Variants in ABI2 observed in about 807,000 individuals in gnomAD.
The protein encoded by ABI2 is abelson interactor 2.
ABI2 carries 25 observed loss-of-function variants against 59.2 expected under a neutral mutation model. That is an observed-to-expected ratio of 0.42 (90% CI 0.31 to 0.59). ABI2 has a LOEUF of 0.59. Ranked by LOEUF, ABI2 falls within the 20% of genes least tolerant of loss-of-function variation. The probability of loss-of-function intolerance (pLI) is 0.14; values close to 1 mark genes in which losing one functional copy is unlikely to be tolerated. For synonymous variants in ABI2, 213 were observed against 235.5 expected, an observed-to-expected ratio of 0.90 and a Z score of 0.87; for missense variants, 545 against 681.8, an observed-to-expected ratio of 0.80 and a Z score of 2.23.
intron 1 of ABI2, among the ~76,000 whole-genome samples, chr2:203,336,532 TC>T (rs1178422931): frequency 1.3e-5 from 2 of 152,186 alleles, no homozygotes. Flanking sequence ...CCTCATCACC[TC>T]CTAGTTCCCA....
At chr2:203,381,138 AAC>A (rs2096095951) in intron 3 of ABI2, among the ~76,000 whole-genome samples, 1 of 152,204 alleles carries the variant, frequency 6.6e-6, no homozygotes, top group South Asian at 2.1e-4. Flanking sequence ...ATACTTAAAA[AAC>A]ACTGTTATGG....
intron 1 of ABI2, among the ~76,000 whole-genome samples, chr2:203,355,880 G>A (rs947234607): frequency 2.0e-5 from 3 of 146,768 alleles, no homozygotes; most frequent in East Asian, 4.0e-4. Context: ...CTGGTGTGCT[G>A]AAAATCTTCA....
intron 1 of ABI2, among the ~76,000 whole-genome samples, chr2:203,332,745 G>A (rs1261766160): frequency 6.6e-6 from 1 of 152,114 alleles, no homozygotes. Context: ...TTACAATATA[G>A]TTGTCTTAAT....
At chr2:203,413,068 G>A (rs2123119) in intron 10 of ABI2, among the ~76,000 whole-genome samples, 4,717 of 152,238 alleles carry the variant, frequency 0.031, 141 homozygotes, top group East Asian at 0.092. Flanking sequence ...TTACTATTGT[G>A]ATGAGTGTAC....
chr2:203,423,817 A>G (rs1373315614), intron 11 of ABI2, among the ~76,000 whole-genome samples: 1 of 152,238 alleles, frequency 6.6e-6, no homozygotes, highest in Non-Finnish European at 1.5e-5. Context: ...TTAAAATTAA[A>G]AAGAGAATCA....
chr2:203,391,092 C>G lies in ABI2; in HGVS notation c.527C>G (p.Pro176Arg). ...ATGGGTGGGCTGCCGCGTACAACAC[C>G]TCCAACTCAGAAGCCCCCTAGTCCC... ...MKMGGLPRTT[P>R]PTQKPPSPPM... Residue 176 changes from proline (P) to arginine (R), a missense_variant, in exon 5 of 12, where the codon CCT (proline) becomes CGT (arginine). Physicochemically the swap from Pro to Arg is moderately radical, Grantham distance 103 (BLOSUM62 -2). Coordinates refer to ENST00000261018, the MANE Select transcript of ABI2 (RefSeq NM_001375670.1). 1.2e-6 allele frequency: 2 copies of G among 1,613,964 alleles called. No individual in the cohort carries two copies. Among genetic ancestry groups the G allele is most frequent in the South Asian group, 2.2e-5 (2 of 91,046 alleles).
At chr2:203,336,107 CA>C (rs1316289757) in intron 1 of ABI2, among the ~76,000 whole-genome samples, 2 of 152,144 alleles carry the variant, frequency 1.3e-5, no homozygotes, top group African/African-American at 4.8e-5. Context: ...TGAAAATCAT[CA>C]GTGTTATTGT....
intron 4 of ABI2, among the ~76,000 whole-genome samples, chr2:203,384,998 C>G (rs1263248435): frequency 6.6e-6 from 1 of 151,904 alleles, no homozygotes; most frequent in Non-Finnish European, 1.5e-5. Flanking sequence ...CCACGCCTGG[C>G]TAATTTGTGT....
chr2:203,368,990 T>A (rs1461869115), intron 2 of ABI2, among the ~76,000 whole-genome samples: 1,870 of 110,716 alleles, frequency 0.017, 278 homozygotes, highest in African/African-American at 0.064. Context: ...GCTGATTTTT[T>A]TTTTTTTTTT....
intron 6 of ABI2, 142 bp downstream of exon 6, chr2:203,394,988 C>T (rs1454654125): frequency 1.1e-6 from 1 of 929,254 alleles, no homozygotes; most frequent in Non-Finnish European, 1.7e-6. Flanking sequence ...TTTCACCTCT[C>T]TCTCCTCATG....
intron 8 of ABI2, among the ~76,000 whole-genome samples, chr2:203,399,572 A>G (rs1007189894): frequency 5.3e-5 from 8 of 152,224 alleles, no homozygotes; most frequent in East Asian, 1.9e-4. Context: ...CTGGAGTGCA[A>G]TGGCAGGATC....
intron 10 of ABI2, among the ~76,000 whole-genome samples, chr2:203,416,338 TG>T (rs2097892101): frequency 6.6e-6 from 1 of 152,152 alleles, no homozygotes; most frequent in African/African-American, 2.4e-5. Flanking sequence ...TCTTGCCCTA[TG>T]GCCCAGGCTG....
chr2:203,342,002 A>G (rs1215518302), intron 1 of ABI2, among the ~76,000 whole-genome samples: 1 of 152,230 alleles, frequency 6.6e-6, no homozygotes, highest in Non-Finnish European at 1.5e-5. Context: ...AACATATTAG[A>G]TGAGACAACT....
chr2:203,362,134 G>T (rs2093602089), intron 1 of ABI2, among the ~76,000 whole-genome samples: 1 of 152,144 alleles, frequency 6.6e-6, no homozygotes, highest in Admixed American at 6.6e-5. Flanking sequence ...AGTTATTCTG[G>T]CAGTAGCTCA....
In ABI2 at chr2:203,328,486, A is replaced by G. The variant is rs768218191; in HGVS notation, c.-29A>G. ...GGCCGCCGCTCCCTCTGCGACCTGTATGAGGAGGAGGAGGAGGAGGATGTG... is the reference window on the plus strand; with the variant it reads ...GGCCGCCGCTCCCTCTGCGACCTGTGTGAGGAGGAGGAGGAGGAGGATGTG... On this transcript the variant is annotated 5_prime_UTR_variant, in exon 1 of 12. An upstream start codon of the reference 5' UTR is lost. Coordinates refer to ENST00000261018, the MANE Select transcript of ABI2 (RefSeq NM_001375670.1). 1.9e-6 allele frequency: 3 copies of G among 1,546,074 alleles called. No homozygotes were observed. Among genetic ancestry groups the G allele is most frequent in the East Asian group, 4.7e-5 (2 of 42,510 alleles).
intron 10 of ABI2, among the ~76,000 whole-genome samples, chr2:203,414,518 C>T (rs565083356): frequency 2.0e-5 from 3 of 152,310 alleles, no homozygotes. Context: ...TTTCCTGACC[C>T]ACATAACAAG....
intron 8 of ABI2, among the ~76,000 whole-genome samples, chr2:203,397,879 T>G (rs2097068688): frequency 6.6e-6 from 1 of 152,106 alleles, no homozygotes; most frequent in African/African-American, 2.4e-5. Context: ...CAGATCTCAT[T>G]ATTGCAAGAA....
chr2:203,358,071 TTGTGTG>T (rs71007506), intron 1 of ABI2, among the ~76,000 whole-genome samples: 6,269 of 128,808 alleles, frequency 0.049, 379 homozygotes, highest in African/African-American at 0.16. Context: ...CCTGGCCTGT[TTGTGTG>T]TGTGTGTGTG....
intron 8 of ABI2, among the ~76,000 whole-genome samples, chr2:203,400,651 G>T (rs1050225709): frequency 1.3e-5 from 2 of 152,178 alleles, no homozygotes; most frequent in African/African-American, 4.8e-5. Context: ...ACACATGTAA[G>T]ATGTTTAAAT....
Sources: gnomAD v4.1 joint callset for allele counts (sites outside exome capture counted in the v4.1 genomes callset) on GRCh38, gnomAD v4.1.1 for gene constraint, MANE v1.5 for transcripts, NCBI Gene and HGNC (gene_info 2026-07-23, HGNC 2026-07-21) for gene names.